The following RBFOX1 variants were observed in gnomAD, a reference collection of about 807,000 sequenced individuals.
The protein encoded by RBFOX1 is RNA binding fox-1 homolog 1, also known as RNA binding protein fox-1 homolog 1.
Under a neutral mutation model 57.7 loss-of-function variants are expected in RBFOX1, and 8 were observed. That is an observed-to-expected ratio of 0.14 (90% CI 0.08 to 0.25). The LOEUF is 0.25. Ranked by LOEUF, RBFOX1 falls within the 10% of genes least tolerant of loss-of-function variation. The pLI, the probability that RBFOX1 is intolerant of heterozygous loss-of-function variation, is 1.00. For synonymous variants in RBFOX1, 326 were observed against 222.4 expected, an observed-to-expected ratio of 1.47 and a Z score of -4.15; for missense variants, 611 against 548.5, an observed-to-expected ratio of 1.11 and a Z score of -1.14.
chr16:7,690,779 C>T (rs938058129), intron 14 of RBFOX1, among the ~76,000 whole-genome samples: 5 of 152,026 alleles, frequency 3.3e-5, no homozygotes, highest in African/African-American at 1.2e-4. Context: ...ATAGATGATC[C>T]ATTTATGGGC....
rs978668344 is a variant in RBFOX1, at chr16:7,040,791, T to C, written c.-15-11266T>C. Among the ~76,000 whole-genome samples the C allele has an allele frequency of 4.0e-4, 61 of 152,262 alleles. 1 individual carries two copies. Among genetic ancestry groups the C allele is most frequent in the Non-Finnish European group, 5.9e-5 (4 of 68,040 alleles). On this transcript the variant is annotated intron_variant, in intron 3 of 15. Transcript: ENST00000550418. ...ACATCATTCCTGAAATCATTCATTTTCTAATGGATTCATAATATTCCGTAG... is the reference window on the plus strand; with the variant it reads ...ACATCATTCCTGAAATCATTCATTTCCTAATGGATTCATAATATTCCGTAG...
At chr16:6,933,028 C>T (rs188082235) in intron 3 of RBFOX1, among the ~76,000 whole-genome samples, 12 of 152,152 alleles carry the variant, frequency 7.9e-5, no homozygotes, top group African/African-American at 2.9e-4. Flanking sequence ...TTTCACTTAG[C>T]ATAATATCCT....
At chr16:5,649,166 C>A (rs1460652472) in intron 3 of RBFOX1, among the ~76,000 whole-genome samples, 1 of 151,666 alleles carries the variant, frequency 6.6e-6, no homozygotes, top group Non-Finnish European at 1.5e-5. Context: ...TATATATGTA[C>A]ATATGTATAT....
At chr16:7,659,299 A>G (rs1442337322) in intron 12 of RBFOX1, among the ~76,000 whole-genome samples, 5 of 152,202 alleles carry the variant, frequency 3.3e-5, no homozygotes, top group Non-Finnish European at 7.4e-5. Context: ...GTTAAGTCCT[A>G]AAAAAGTCTC....
At chr16:6,040,168 T>C (rs2095420613) in intron 1 of RBFOX1, among the ~76,000 whole-genome samples, 6 of 152,258 alleles carry the variant, frequency 3.9e-5, no homozygotes, top group Admixed American at 3.9e-4. Flanking sequence ...CTCTGTTGCA[T>C]GATTCTATAT....
chr16:5,887,838 G>T (rs1400629581), intron 4 of RBFOX1, among the ~76,000 whole-genome samples: 1 of 152,152 alleles, frequency 6.6e-6, no homozygotes, highest in African/African-American at 2.4e-5. Context: ...GCTCTTTTTA[G>T]GAGAGAGATT....
intron 3 of RBFOX1, among the ~76,000 whole-genome samples, chr16:5,638,705 C>T (rs1168319207): frequency 1.3e-5 from 2 of 152,164 alleles, no homozygotes; most frequent in Non-Finnish European, 2.9e-5. Context: ...TTTCCATTCC[C>T]TGTCTGTCCC....
intron 3 of RBFOX1, among the ~76,000 whole-genome samples, chr16:7,019,414 G>C (rs1348347030): frequency 6.6e-6 from 1 of 152,096 alleles, no homozygotes; most frequent in Non-Finnish European, 1.5e-5. Context: ...GAGTGGGAGA[G>C]AGAGAGTGGG....
intron 2 of RBFOX1, among the ~76,000 whole-genome samples, chr16:6,434,565 A>C (rs927297633): frequency 2.0e-5 from 3 of 152,204 alleles, no homozygotes; most frequent in Non-Finnish European, 2.9e-5. Flanking sequence ...CATAGGAAGC[A>C]ACTTCTAAAA....
chr16:6,150,918 G>T (rs2096792981), intron 1 of RBFOX1, among the ~76,000 whole-genome samples: 1 of 152,144 alleles, frequency 6.6e-6, no homozygotes, highest in Admixed American at 6.5e-5. Flanking sequence ...TTCATTGATT[G>T]ACACCTTGGG....
chr16:6,641,497 G>A (rs947243328), intron 2 of RBFOX1, among the ~76,000 whole-genome samples: 3 of 152,056 alleles, frequency 2.0e-5, no homozygotes, highest in Non-Finnish European at 4.4e-5. Flanking sequence ...CACTTTGGGA[G>A]GCCGAGGCGG....
intron 2 of RBFOX1, among the ~76,000 whole-genome samples, chr16:5,507,780 T>C (rs1179175908): frequency 6.6e-6 from 1 of 151,746 alleles, no homozygotes; most frequent in Non-Finnish European, 1.5e-5. Flanking sequence ...GTGGGAGAGG[T>C]GCAGCCACAA....
At chr16:5,517,863 C>CAT (rs397725431) in intron 2 of RBFOX1, among the ~76,000 whole-genome samples, 1 of 151,640 alleles carries the variant, frequency 6.6e-6, no homozygotes, top group Admixed American at 6.6e-5. Context: ...CACACACACA[C>CAT]GTACATATAC....
intron 2 of RBFOX1, among the ~76,000 whole-genome samples, chr16:6,565,792 A>T (rs1332668674): frequency 2.0e-5 from 3 of 152,174 alleles, no homozygotes; most frequent in African/African-American, 7.2e-5. Context: ...TTTTTGCTAT[A>T]AGCTCACCTG....
intron 2 of RBFOX1, among the ~76,000 whole-genome samples, chr16:5,590,918 T>C (rs2046985772): frequency 6.6e-6 from 1 of 152,154 alleles, no homozygotes; most frequent in South Asian, 2.1e-4. Context: ...ATTAAGGTAT[T>C]ACCCCAATGC....
chr16:6,997,105 C>T (rs1213451225), intron 3 of RBFOX1, among the ~76,000 whole-genome samples: 1 of 152,064 alleles, frequency 6.6e-6, no homozygotes, highest in Non-Finnish European at 1.5e-5. Context: ...GTTGTGTTGA[C>T]TGTGTTTTGC....
intron 4 of RBFOX1, among the ~76,000 whole-genome samples, chr16:7,365,371 C>G (rs1485354187): frequency 6.6e-6 from 1 of 152,130 alleles, no homozygotes; most frequent in Non-Finnish European, 1.5e-5. Context: ...TAGTCTCAGT[C>G]CATCCACCAA....
chr16:6,223,380 A>C (rs1212692435), intron 1 of RBFOX1, among the ~76,000 whole-genome samples: 3 of 148,958 alleles, frequency 2.0e-5, no homozygotes, highest in Non-Finnish European at 4.5e-5. Flanking sequence ...CCGACTTTTT[A>C]ATGATTGCCA....
chr16:5,646,001 A>G (rs927845590), intron 3 of RBFOX1, among the ~76,000 whole-genome samples: 1 of 151,688 alleles, frequency 6.6e-6, no homozygotes, highest in Non-Finnish European at 1.5e-5. Context: ...GCACCTGGCT[A>G]ATTTGTTTGT....
Sources: allele counts gnomAD v4.1 joint callset (sites outside exome capture counted in the v4.1 genomes callset), GRCh38; gene constraint gnomAD v4.1.1; transcripts MANE v1.5; gene names NCBI Gene and HGNC (gene_info 2026-07-23, HGNC 2026-07-21).